Variants in CNTN6 observed in about 807,000 individuals in gnomAD.
CNTN6 encodes the protein contactin 6.
In CNTN6, 137 loss-of-function variants were observed where a neutral mutation model predicts 122.8. The observed-to-expected ratio is 1.12, with a 90% CI of 0.97 to 1.29. CNTN6 has a LOEUF of 1.29. Ranked by LOEUF, CNTN6 falls within the 50% of genes most tolerant of loss-of-function variation. The pLI is 0.00. For missense variants in CNTN6, 1,634 were observed against 1,223.4 expected (o/e 1.34, Z -5.01); for synonymous variants, 570 against 426.0 (o/e 1.34, Z -4.16).
intron 2 of CNTN6, among the ~76,000 whole-genome samples, chr3:1,158,194 G>T (rs1471122173): frequency 6.6e-6 from 1 of 152,148 alleles, no homozygotes; most frequent in African/African-American, 2.4e-5. Context: ...ACCAGCATTT[G>T]TTATTGCCAG....
intron 1 of CNTN6, among the ~76,000 whole-genome samples, chr3:1,125,527 G>A (rs2092129106): frequency 6.6e-6 from 1 of 151,840 alleles, no homozygotes; most frequent in African/African-American, 2.4e-5. Flanking sequence ...GAGGCAATGT[G>A]AGTATTATGC....
chr3:1,122,085 T>C (rs914602955), intron 1 of CNTN6, among the ~76,000 whole-genome samples: 3 of 151,982 alleles, frequency 2.0e-5, no homozygotes, highest in African/African-American at 7.2e-5. Context: ...ATGAATTATT[T>C]TTTTGCAAAT....
intron 5 of CNTN6, among the ~76,000 whole-genome samples, chr3:1,290,291 T>C (rs9839671): frequency 0.068 from 10,318 of 152,254 alleles, 1,197 homozygotes; most frequent in African/African-American, 0.23. Flanking sequence ...GTTTAACTTA[T>C]TTATCTATGA....
intron 20 of CNTN6, among the ~76,000 whole-genome samples, chr3:1,399,879 A>G (rs1353209753): frequency 1.3e-5 from 2 of 152,272 alleles, no homozygotes; most frequent in African/African-American, 2.4e-5. Flanking sequence ...TGATAAACCT[A>G]TAATAAAATA....
At chr3:1,377,671 A>G (rs888160693) in intron 17 of CNTN6, among the ~76,000 whole-genome samples, 1 of 152,160 alleles carries the variant, frequency 6.6e-6, no homozygotes, top group Admixed American at 6.5e-5. Flanking sequence ...TCAGTATCTC[A>G]GTGCCTCAGC....
intron 2 of CNTN6, among the ~76,000 whole-genome samples, chr3:1,158,160 T>C (rs1376755902): frequency 2.0e-5 from 3 of 152,218 alleles, no homozygotes; most frequent in Non-Finnish European, 1.5e-5. Context: ...TGGTGTATGA[T>C]GGTTCCCTTT....
chr3:1,095,690 T>C (rs951561888), intron 1 of CNTN6, among the ~76,000 whole-genome samples: 2 of 152,226 alleles, frequency 1.3e-5, no homozygotes, highest in Non-Finnish European at 2.9e-5. Context: ...TTGAAGATTT[T>C]TTTGGATGCA....
intron 4 of CNTN6, among the ~76,000 whole-genome samples, chr3:1,232,338 A>T (rs1014731560): frequency 3.3e-5 from 5 of 152,222 alleles, no homozygotes; most frequent in Non-Finnish European, 5.9e-5. Flanking sequence ...AAGCAACCGG[A>T]GAACACCTAA....
chr3:1,385,695 G>A lies in CNTN6; in HGVS notation c.2602G>A (p.Gly868Arg), dbSNP rs189552120. 3.1e-6 allele frequency: 5 copies of A among 1,614,020 alleles called. No homozygotes were observed. Reference sequence around the variant, plus strand: ...AAATGTCACAACCAAAAACATCACGGGGCTGAAAGCTAATACCATCTACTT... The same window carrying A: ...AAATGTCACAACCAAAAACATCACGAGGCTGAAAGCTAATACCATCTACTT... ...SGNVTTKNIT[G>R]LKANTIYFAS... Residue 868 changes from glycine (G) to arginine (R), a missense_variant, in exon 20 of 23, where the codon GGG becomes AGG. Physicochemically the swap from Gly to Arg is moderately radical, Grantham distance 125. Coordinates refer to ENST00000446702, the MANE Select transcript of CNTN6 (RefSeq NM_001289080.2).
intron 2 of CNTN6, among the ~76,000 whole-genome samples, chr3:1,148,302 AT>A (rs1486327923): frequency 6.6e-6 from 1 of 152,014 alleles, no homozygotes; most frequent in African/African-American, 2.4e-5. Context: ...CAAATATGAC[AT>A]TTTTATACAA....
chr3:1,312,241 A>G (rs1699446423), intron 7 of CNTN6, among the ~76,000 whole-genome samples: 1 of 151,968 alleles, frequency 6.6e-6, no homozygotes, highest in Admixed American at 6.6e-5. Context: ...TTTTTTTTCA[A>G]GGAGCATAGA....
chr3:1,247,460 A>T (rs1429152536), intron 4 of CNTN6, among the ~76,000 whole-genome samples: 3 of 152,112 alleles, frequency 2.0e-5, no homozygotes, highest in Non-Finnish European at 4.4e-5. Flanking sequence ...GTTTAAAAAA[A>T]AAAGAGGCTT....
intron 4 of CNTN6, among the ~76,000 whole-genome samples, chr3:1,245,239 C>T (rs1408160473): frequency 0.014 from 135 of 9,320 alleles, 12 homozygotes; most frequent in African/African-American, 0.053. Context: ...TATATATACA[C>T]ACACACATAT....
intron 6 of CNTN6, among the ~76,000 whole-genome samples, chr3:1,297,034 AG>A (rs1696355049): frequency 2.0e-5 from 3 of 152,158 alleles, no homozygotes. Flanking sequence ...ATGTCAAGAA[AG>A]TGAAAAAGAA....
intron 2 of CNTN6, among the ~76,000 whole-genome samples, chr3:1,186,105 T>C (rs2093624746): frequency 1.3e-5 from 2 of 152,170 alleles, no homozygotes; most frequent in Admixed American, 6.5e-5. Flanking sequence ...ATAAGTAGCA[T>C]ATGGAAGAAA....
At chr3:1,146,148 TATAAC>T (rs1353969958) in intron 1 of CNTN6, among the ~76,000 whole-genome samples, 3 of 152,172 alleles carry the variant, frequency 2.0e-5, no homozygotes, top group Non-Finnish European at 4.4e-5. Flanking sequence ...TAGCCAGAGA[TATAAC>T]ATAAATTTTG....
intron 4 of CNTN6, among the ~76,000 whole-genome samples, chr3:1,245,066 G>A (rs1346142869): frequency 6.7e-6 from 1 of 148,230 alleles, no homozygotes; most frequent in African/African-American, 2.5e-5. Context: ...GGATGCGATG[G>A]CCTGGTCTGG....
At chr3:1,235,194 T>G (rs2094405812) in intron 4 of CNTN6, among the ~76,000 whole-genome samples, 1 of 151,936 alleles carries the variant, frequency 6.6e-6, no homozygotes, top group Non-Finnish European at 1.5e-5. Flanking sequence ...AGGCTAAGAG[T>G]TGGGATGGGA....
At chr3:1,384,573 C>G (rs148421035) in intron 19 of CNTN6, among the ~76,000 whole-genome samples, 1 of 151,442 alleles carries the variant, frequency 6.6e-6, no homozygotes, top group South Asian at 2.1e-4. Context: ...TCTTTTTCAA[C>G]TTGCAAATTC....
Sources: allele counts gnomAD v4.1 joint callset (sites outside exome capture counted in the v4.1 genomes callset), GRCh38; gene constraint gnomAD v4.1.1; transcripts MANE v1.5; gene names NCBI Gene and HGNC (gene_info 2026-07-23, HGNC 2026-07-21).